The following RTN3 variants were observed in gnomAD, a reference collection of about 807,000 sequenced individuals.
RTN3 encodes the protein reticulon-3.
A neutral mutation model predicts 77.8 loss-of-function variants in RTN3; 49 were observed. That is an observed-to-expected ratio of 0.63 (90% CI 0.50 to 0.80). The LOEUF (loss-of-function observed/expected upper bound fraction) is 0.80. RTN3 is among the 30% of genes least tolerant of loss of function. The probability of loss-of-function intolerance (pLI) is 0.00; values close to 1 mark genes in which losing one functional copy is unlikely to be tolerated. For missense variants in RTN3, 1,236 were observed against 1,211.9 expected (o/e 1.02, Z -0.29); for synonymous variants, 464 against 446.9 (o/e 1.04, Z -0.48).
intron 3 of RTN3, among the ~76,000 whole-genome samples, chr11:63,731,571 G>C (rs986419572): frequency 6.6e-6 from 1 of 152,182 alleles, no homozygotes; most frequent in Non-Finnish European, 1.5e-5. Flanking sequence ...GATTTAAACT[G>C]AATCACTTAA....
chr11:63,733,815 C>T (rs114998887), intron 3 of RTN3, among the ~76,000 whole-genome samples: 1,784 of 151,728 alleles, frequency 0.012, 39 homozygotes, highest in African/African-American at 0.041. Flanking sequence ...TGCTTGGGCC[C>T]AGGAAGTCGA....
chr11:63,706,010 T>G (rs1344787323), intron 2 of RTN3, among the ~76,000 whole-genome samples: 1 of 152,218 alleles, frequency 6.6e-6, no homozygotes, highest in East Asian at 1.9e-4. Flanking sequence ...CTAGACAGAT[T>G]GATAGATTTA....
At chr11:63,753,222 C>G in intron 6 of RTN3, 84 bp downstream of exon 6, 2 of 1,330,906 alleles carry the variant, frequency 1.5e-6, no homozygotes, top group East Asian at 4.6e-5. Context: ...CATGGCTCTA[C>G]TCATTCTTCA....
At chr11:63,707,455 A>G (rs1565312028) in intron 2 of RTN3, among the ~76,000 whole-genome samples, 1 of 152,236 alleles carries the variant, frequency 6.6e-6, no homozygotes, top group Admixed American at 6.5e-5. Flanking sequence ...AAGACAGCAT[A>G]CACTTATTCT....
In RTN3 at chr11:63,681,529, C is replaced by A; in HGVS notation, c.-108C>A. ...TGTCGGAGTCTGTCCTCGGAGCAGGCGGAGTAAAGGGACTTGAGCGAGCCA... is the reference window on the plus strand; with the variant it reads ...TGTCGGAGTCTGTCCTCGGAGCAGGAGGAGTAAAGGGACTTGAGCGAGCCA... On this transcript the variant is annotated 5_prime_UTR_variant, in exon 1 of 9. Transcript: ENST00000377819. 2 of 1,165,856 alleles carry A rather than the reference C, an allele frequency of 1.7e-6. No homozygotes were observed. The highest frequency in any genetic ancestry group is 2.4e-6 in the Non-Finnish European group (2 of 846,782). 72.2% of individuals were successfully genotyped at this position (1,165,856 alleles called of 1,614,324 possible). A position where few individuals can be genotyped will look rare whatever the true frequency, so the allele number is the denominator to read the frequency against.
chr11:63,742,119 A>G (rs1315019051), intron 3 of RTN3, among the ~76,000 whole-genome samples: 2 of 151,320 alleles, frequency 1.3e-5, no homozygotes, highest in African/African-American at 2.4e-5. Context: ...AGCTGAGACT[A>G]CAGGCACCTG....
chr11:63,731,884 C>T (rs2012716076), intron 3 of RTN3, among the ~76,000 whole-genome samples: 1 of 152,154 alleles, frequency 6.6e-6, no homozygotes, highest in African/African-American at 2.4e-5. Flanking sequence ...ATCTCTTGAC[C>T]TTGTGATCCG....
intron 3 of RTN3, among the ~76,000 whole-genome samples, chr11:63,731,413 TTC>T (rs1471466991): frequency 6.6e-6 from 1 of 152,126 alleles, no homozygotes. Context: ...ACAAAATATG[TTC>T]TAAGGCCATA....
At chr11:63,725,475 G>T in intron 3 of RTN3, among the ~76,000 whole-genome samples, 1 of 150,788 alleles carries the variant, frequency 6.6e-6, no homozygotes. Flanking sequence ...AGATGGAGGA[G>T]TTTCACTCTG....
intron 3 of RTN3, among the ~76,000 whole-genome samples, chr11:63,733,397 G>A (rs2012835019): frequency 6.6e-6 from 1 of 152,120 alleles, no homozygotes; most frequent in South Asian, 2.1e-4. Context: ...GCTGAGGCAG[G>A]AGAATCGCTT....
At chr11:63,735,841 T>G (rs891480323) in intron 3 of RTN3, among the ~76,000 whole-genome samples, 2 of 152,106 alleles carry the variant, frequency 1.3e-5, no homozygotes, top group Non-Finnish European at 2.9e-5. Context: ...ATTCTAACAT[T>G]TCTGTGGAAA....
In RTN3 at chr11:63,752,642, G is replaced by C. The variant is rs528517173; in HGVS notation, c.2874G>C (p.Leu958Phe). 1.1e-5 allele frequency: 17 copies of C among 1,613,890 alleles called. No individual in the cohort carries two copies. Among genetic ancestry groups the C allele is most frequent in the Non-Finnish European group, 1.4e-5 (17 of 1,179,932 alleles). Residue 958 changes from leucine (L) to phenylalanine (F), a missense_variant, in exon 5 of 9, where the codon TTG (leucine) becomes TTC (phenylalanine). Transcript: ENST00000377819. ...LFLVEDLVDS[L>F]KLAVFMWLMT... ...TGGTAGAAGATCTGGTTGACTCCTT[G>C]AAGGTTAGTTGTTTCTGCAGCTCTT...
Position 63,718,730 on chromosome 11 carries a change from G to C in RTN3, c.228G>C (p.Glu76Asp), listed in dbSNP as rs2011542612. Reference protein sequence around the residue: ...QEGLSSLCSDEPSSEIMTSSF... With the variant: ...QEGLSSLCSDDPSSEIMTSSF... ...GATTGAGCTCTCTTTGCTCTGATGA[G>C]CCATCTTCAGAAATTATGACTTCTT... Residue 76 changes from glutamate to aspartate, a missense_variant, in exon 3 of 9, where the codon GAG (glutamate) becomes GAC (aspartate). This residue lies in a region of RTN3 where 1,056 missense variants were observed against 990.4 expected (regional missense o/e 1.07). Coordinates refer to ENST00000377819, the MANE Select transcript of RTN3 (RefSeq NM_001265589.2). 1 of 1,597,164 alleles carries C rather than the reference G, an allele frequency of 6.3e-7. No individual in the cohort carries two copies. Among genetic ancestry groups the C allele is most frequent in the South Asian group, 1.2e-5 (1 of 86,942 alleles).
chr11:63,691,253 TG>T (rs1941643028), intron 1 of RTN3, among the ~76,000 whole-genome samples: 1 of 151,444 alleles, frequency 6.6e-6, no homozygotes, highest in Admixed American at 6.6e-5. Flanking sequence ...CCCAAGTAGC[TG>T]GGATTATAGG....
At position 63,684,622 on chromosome 11, in the gene RTN3, T is replaced by C. The variant is rs186476559; in HGVS notation, c.142+2844T>C. Among the ~76,000 whole-genome samples, 16 of 152,198 alleles carry C rather than the reference T, an allele frequency of 1.1e-4. No homozygotes were observed. The East Asian group carries it at 3.1e-3, about 29-fold the overall frequency. ...CCATTATTTCTTAGTAAAATTTTAT[T>C]ACAGAATTTGTATTTCTTAGATGTG... On this transcript the variant is annotated intron_variant, in intron 1 of 8. Coordinates refer to ENST00000377819, the MANE Select transcript of RTN3 (RefSeq NM_001265589.2).
intron 1 of RTN3, among the ~76,000 whole-genome samples, chr11:63,696,814 TG>T (rs2134678101): frequency 6.6e-6 from 1 of 150,860 alleles, no homozygotes; most frequent in South Asian, 2.1e-4. Flanking sequence ...CCCAAAGTGC[TG>T]GGATTACAGG....
At position 63,719,964 on chromosome 11, in the gene RTN3, T is replaced by C. The variant is rs750306386; in HGVS notation, c.1462T>C (p.Leu488=). The change falls in exon 3 of 9, where the codon TTG becomes CTG. Residue 488 remains leucine (L), a synonymous_variant. Coordinates refer to ENST00000377819, the MANE Select transcript of RTN3 (RefSeq NM_001265589.2). ...KDEMDWQSSA[L]GEITEADSSG... is the part of the protein sequence containing the mutation. ...TGAAATGGACTGGCAGAGCTCTGCATTGGGAGAAATCACAGAAGCTGATAG... is the reference window on the plus strand; with the variant it reads ...TGAAATGGACTGGCAGAGCTCTGCACTGGGAGAAATCACAGAAGCTGATAG... 1.2e-6 allele frequency: 2 copies of C among 1,614,098 alleles called. No homozygotes were observed. Among genetic ancestry groups the C allele is most frequent in the Non-Finnish European group, 1.7e-6 (2 of 1,180,012 alleles).
At chr11:63,757,193 C>T (rs1828375342) in intron 8 of RTN3, among the ~76,000 whole-genome samples, 1 of 152,210 alleles carries the variant, frequency 6.6e-6, no homozygotes, top group Non-Finnish European at 1.5e-5. Flanking sequence ...ATTGCCAAAT[C>T]TCTGTTCCCA....
intron 2 of RTN3, among the ~76,000 whole-genome samples, chr11:63,706,816 A>G (rs1590810062): frequency 6.6e-6 from 1 of 152,136 alleles, no homozygotes; most frequent in South Asian, 2.1e-4. Flanking sequence ...AATAGAACAA[A>G]TAATTATTTC....
Sources: gnomAD v4.1 joint callset for allele counts (sites outside exome capture counted in the v4.1 genomes callset) on GRCh38, gnomAD v4.1.1 for gene constraint, gnomAD v4.1.1 regional missense constraint, MANE v1.5 for transcripts, NCBI Gene and HGNC (gene_info 2026-07-23, HGNC 2026-07-21) for gene names.